The following DLG1 variants were observed in gnomAD, a reference collection of about 807,000 sequenced individuals.
The protein encoded by DLG1 is discs large MAGUK scaffold protein 1.
In DLG1, 42 loss-of-function variants were observed where a neutral mutation model predicts 123.4. That is an observed-to-expected ratio of 0.34 (90% confidence interval 0.27 to 0.44). The LOEUF is 0.44. DLG1 is among the 20% of genes least tolerant of loss of function. The pLI is 1.00. For synonymous variants in DLG1, 317 were observed against 356.2 expected (o/e 0.89, Z 1.24); for missense variants, 942 against 1,082.6 (o/e 0.87, Z 1.82).
At chr3:197,185,134 A>C (rs1715051093) in intron 5 of DLG1, among the ~76,000 whole-genome samples, 1 of 152,226 alleles carries the variant, frequency 6.6e-6, no homozygotes, top group African/African-American at 2.4e-5. Context: ...TTGATAATTT[A>C]CTATTGGTTG....
At chr3:197,112,454 T>G (rs1214085256) in intron 13 of DLG1, among the ~76,000 whole-genome samples, 1 of 152,218 alleles carries the variant, frequency 6.6e-6, no homozygotes, top group Non-Finnish European at 1.5e-5. Context: ...AAGTCTTTGG[T>G]GCATTTTTAA....
chr3:197,043,619 T>C lies in DLG1; in HGVS notation c.*1004A>G, dbSNP rs1421905399. On this transcript the variant is annotated 3_prime_UTR_variant, in exon 25 of 25. Transcript: ENST00000667157. ...TGTGTGCGCAACTATGTAAAGAAAA[T>C]AATTCCCATAGTTACAGTTTAAAGA... The C allele has an allele frequency of 6.6e-6, 1 of 151,196 alleles. No individual in the cohort carries two copies. The highest frequency in any genetic ancestry group is 1.5e-5 in the Non-Finnish European group (1 of 67,790). The allele number at this position is 151,196 out of a possible 1,614,324, so 9.4% of individuals were successfully genotyped here. A position where few individuals can be genotyped will look rare whatever the true frequency, so the allele number is the denominator to read the frequency against.
intron 15 of DLG1, among the ~76,000 whole-genome samples, chr3:197,086,801 T>C (rs1754651859): frequency 6.6e-6 from 1 of 152,064 alleles, no homozygotes; most frequent in Middle Eastern, 3.4e-3. Flanking sequence ...TAATATAAAA[T>C]AGAAAATAAA....
chr3:197,044,564 G>T lies in DLG1; in HGVS notation c.*59C>A. The T allele has an allele frequency of 8.4e-7, 1 of 1,197,206 alleles. No individual in the cohort carries two copies. The highest frequency in any genetic ancestry group is 1.3e-5 in the South Asian group (1 of 76,868). 74.2% of individuals were successfully genotyped at this position (1,197,206 alleles called of 1,614,324 possible). A position where few individuals can be genotyped will look rare whatever the true frequency, so the allele number is the denominator to read the frequency against. On this transcript the variant is annotated 3_prime_UTR_variant, in exon 25 of 25. Coordinates refer to ENST00000667157, the MANE Select transcript of DLG1 (RefSeq NM_001366207.1). The stretch of plus-strand genomic sequence containing the variant: ...CTCAAGAAAGACTCCAGAGGAAAGG[G>T]CAAAGAGATGCCAAAGAAAATGGAA...
At chr3:197,163,750 G>T (rs1374584314) in intron 5 of DLG1, among the ~76,000 whole-genome samples, 1 of 144,774 alleles carries the variant, frequency 6.9e-6, no homozygotes, top group Non-Finnish European at 1.5e-5. Flanking sequence ...TCTTGGCCAG[G>T]CTGGTCTTGA....
intron 13 of DLG1, among the ~76,000 whole-genome samples, chr3:197,110,920 GT>G (rs1769622698): frequency 6.6e-6 from 1 of 152,154 alleles, no homozygotes; most frequent in Non-Finnish European, 1.5e-5. Flanking sequence ...AGAGGTGAGA[GT>G]TTAAGGCCTT....
intron 1 of DLG1, chr3:197,298,221 CCCCGCGCTGCTACCTTCGGGTTG>C (rs1560217888): frequency 3.1e-6 from 1 of 320,430 alleles, no homozygotes; most frequent in East Asian, 4.8e-5. Context: ...GCCCCGGGCT[CCCCGCGCTGCTACCTTCGGGTTG>C]GAAGGGGGAG....
chr3:197,190,997 G>A (rs1233341214), intron 5 of DLG1, among the ~76,000 whole-genome samples: 7 of 152,108 alleles, frequency 4.6e-5, no homozygotes, highest in South Asian at 2.1e-4. Flanking sequence ...GCGACAGAGC[G>A]AGACTTCAAC....
chr3:197,269,955 T>C (rs897365872), intron 4 of DLG1, among the ~76,000 whole-genome samples: 2 of 152,212 alleles, frequency 1.3e-5, no homozygotes. Flanking sequence ...TATTTTAAAA[T>C]GAATACAATA....
At chr3:197,284,213 T>G (rs544196875) in intron 3 of DLG1, among the ~76,000 whole-genome samples, 1 of 152,268 alleles carries the variant, frequency 6.6e-6, no homozygotes, top group Admixed American at 6.5e-5. Flanking sequence ...AGTAAAGGGC[T>G]GGTAAAAACT....
chr3:197,134,200 A>G (rs181352735), intron 10 of DLG1, among the ~76,000 whole-genome samples: 1 of 152,336 alleles, frequency 6.6e-6, no homozygotes, highest in East Asian at 1.9e-4. Context: ...TTAGAGAAAC[A>G]TAGTTCAAGT....
intron 11 of DLG1, among the ~76,000 whole-genome samples, chr3:197,124,084 C>T (rs993255441): frequency 6.6e-6 from 1 of 152,076 alleles, no homozygotes; most frequent in African/African-American, 2.4e-5. Flanking sequence ...CTCTACAAAA[C>T]AATTTTAAAA....
chr3:197,190,057 A>G (rs1174000487), intron 5 of DLG1, among the ~76,000 whole-genome samples: 1 of 152,228 alleles, frequency 6.6e-6, no homozygotes, highest in Admixed American at 6.5e-5. Context: ...TGTAAAGAAA[A>G]AGCAATTTAA....
intron 5 of DLG1, among the ~76,000 whole-genome samples, chr3:197,179,603 T>TA (rs1809023406): frequency 6.6e-6 from 1 of 152,162 alleles, no homozygotes; most frequent in Non-Finnish European, 1.5e-5. Context: ...TTAAATGATA[T>TA]AAAAATAAGC....
At chr3:197,083,661 A>C (rs1752483176) in intron 16 of DLG1, among the ~76,000 whole-genome samples, 1 of 152,194 alleles carries the variant, frequency 6.6e-6, no homozygotes, top group Non-Finnish European at 1.5e-5. Flanking sequence ...ATGAATCACT[A>C]AAATGAATCA....
intron 3 of DLG1, among the ~76,000 whole-genome samples, chr3:197,286,051 G>T (rs1305176251): frequency 6.6e-6 from 1 of 152,066 alleles, no homozygotes; most frequent in African/African-American, 2.4e-5. Flanking sequence ...AAAAAGATAC[G>T]AGCTATTAGG....
intron 4 of DLG1, among the ~76,000 whole-genome samples, chr3:197,262,751 T>C (rs1301657235): frequency 6.6e-6 from 1 of 152,174 alleles, no homozygotes; most frequent in African/African-American, 2.4e-5. Flanking sequence ...GGACACCCAG[T>C]AGGTGTCCAC....
At chr3:197,071,322 T>C (rs1417065233) in intron 18 of DLG1, among the ~76,000 whole-genome samples, 1 of 152,192 alleles carries the variant, frequency 6.6e-6, no homozygotes, top group Non-Finnish European at 1.5e-5. Flanking sequence ...CTGCAGGGTT[T>C]ATTTTTACTA....
intron 4 of DLG1, among the ~76,000 whole-genome samples, chr3:197,226,777 A>G (rs185689868): frequency 2.2e-3 from 331 of 152,350 alleles, no homozygotes; most frequent in African/African-American, 7.7e-3. Context: ...TTAAAAGCAG[A>G]AAGTCAAGCA....
Sources: gnomAD v4.1 joint callset for allele counts (sites outside exome capture counted in the v4.1 genomes callset) on GRCh38, gnomAD v4.1.1 for gene constraint, MANE v1.5 for transcripts, NCBI Gene and HGNC (gene_info 2026-07-23, HGNC 2026-07-21) for gene names.